The following RSPO2 variants were observed in gnomAD, a reference collection of about 807,000 sequenced individuals.
RSPO2 encodes the protein R-spondin-2.
RSPO2 carries 14 observed loss-of-function variants against 30.9 expected under a neutral mutation model. That is an observed-to-expected ratio of 0.45 (90% confidence interval 0.30 to 0.71). The LOEUF (loss-of-function observed/expected upper bound fraction) is 0.71, where lower values mean the gene tolerates loss of function less well. RSPO2 is among the 30% of genes least tolerant of loss of function. The pLI, the probability that RSPO2 is intolerant of heterozygous loss-of-function variation, is 0.08. For missense variants in RSPO2, 264 were observed against 301.9 expected, an observed-to-expected ratio of 0.87 and a Z score of 0.93; for synonymous variants, 107 against 96.4, an observed-to-expected ratio of 1.11 and a Z score of -0.64.
At chr8:108,008,813 T>C (rs1045803378) in intron 2 of RSPO2, among the ~76,000 whole-genome samples, 2 of 147,648 alleles carry the variant, frequency 1.4e-5, no homozygotes, top group Admixed American at 1.3e-4. Context: ...AAGAAAAAGG[T>C]AAATTTGACT....
chr8:108,075,908 T>C (rs1352551355), intron 2 of RSPO2, among the ~76,000 whole-genome samples: 5 of 152,090 alleles, frequency 3.3e-5, no homozygotes, highest in African/African-American at 1.2e-4. Context: ...AAGGTCTAGT[T>C]TGAGGAGTAC....
At position 108,019,350 on chromosome 8, in the gene RSPO2, A is replaced by G. The variant is rs760732071; in HGVS notation, c.95-30106T>C. 4.6e-5 allele frequency among the ~76,000 whole-genome samples: 7 copies of G among 152,042 alleles called. No individual in the cohort carries two copies. The Middle Eastern group carries it at 0.014, about 296-fold the overall frequency. Reference sequence around the variant, plus strand: ...GCCTGGGTGACAGACCAAGACTCCAACTCAAAAAAATAATAATAAATTAAG... The same window carrying G: ...GCCTGGGTGACAGACCAAGACTCCAGCTCAAAAAAATAATAATAAATTAAG... On this transcript the variant is annotated intron_variant, in intron 2 of 5. Coordinates refer to ENST00000276659, the MANE Select transcript of RSPO2 (RefSeq NM_178565.5).
At chr8:108,067,974 C>T (rs1470243469) in intron 2 of RSPO2, among the ~76,000 whole-genome samples, 13 of 151,924 alleles carry the variant, frequency 8.6e-5, no homozygotes, top group Non-Finnish European at 1.8e-4. Context: ...GAGGCTGAGG[C>T]GGGAGAATCA....
chr8:108,041,203 C>A (rs895896463), intron 2 of RSPO2, among the ~76,000 whole-genome samples: 406 of 100,054 alleles, frequency 4.1e-3, no homozygotes, highest in East Asian at 0.011. Context: ...CAAAAAGTGG[C>A]AAAAAAAAAA....
At chr8:108,079,867 C>T (rs1813136423) in intron 2 of RSPO2, among the ~76,000 whole-genome samples, 1 of 152,128 alleles carries the variant, frequency 6.6e-6, no homozygotes, top group Non-Finnish European at 1.5e-5. Context: ...TTAACTGACA[C>T]TATCCAAAAC....
At chr8:108,055,971 T>C (rs769505648) in intron 2 of RSPO2, among the ~76,000 whole-genome samples, 2 of 152,196 alleles carry the variant, frequency 1.3e-5, no homozygotes, top group Non-Finnish European at 2.9e-5. Context: ...CCATCACTTA[T>C]TAGCTCTGAA....
Position 107,900,988 on chromosome 8 carries a change from G to T in RSPO2, c.*87C>A. On this transcript the variant is annotated 3_prime_UTR_variant, in exon 6 of 6. Coordinates refer to ENST00000276659, the MANE Select transcript of RSPO2 (RefSeq NM_178565.5). ...AGATACTGGGCAGAGCAGCACAAAG[G>T]CTGCACACCAGTGTGCAGGAGTGGA... 2.2e-6 allele frequency: 3 copies of T among 1,353,642 alleles called. No individual in the cohort carries two copies. The highest frequency in any genetic ancestry group is 2.0e-6 in the Non-Finnish European group (2 of 983,030). The allele number at this position is 1,353,642 out of a possible 1,614,324, so 83.9% of individuals were successfully genotyped here.
intron 5 of RSPO2, among the ~76,000 whole-genome samples, chr8:107,911,925 C>G (rs771164347): frequency 3.3e-5 from 5 of 152,074 alleles, no homozygotes; most frequent in Admixed American, 6.6e-5. Flanking sequence ...CCTTCCTGCT[C>G]AATCCCACAC....
intron 2 of RSPO2, among the ~76,000 whole-genome samples, chr8:108,074,312 T>G (rs1812941769): frequency 6.6e-6 from 1 of 152,130 alleles, no homozygotes; most frequent in African/African-American, 2.4e-5. Context: ...GAGTAAAAAA[T>G]AAGAGATATT....
intron 5 of RSPO2, among the ~76,000 whole-genome samples, chr8:107,951,460 C>T (rs979832746): frequency 2.6e-5 from 4 of 152,170 alleles, no homozygotes; most frequent in Admixed American, 6.5e-5. Flanking sequence ...ATATCTACCA[C>T]TGACACCATG....
intron 5 of RSPO2, among the ~76,000 whole-genome samples, chr8:107,955,660 TTA>T (rs1324752428): frequency 1.3e-5 from 2 of 152,318 alleles, no homozygotes; most frequent in African/African-American, 2.4e-5. Flanking sequence ...TTAAAGCCAT[TTA>T]TGTTTTCATA....
chr8:108,005,572 C>A (rs1006044805), intron 2 of RSPO2, among the ~76,000 whole-genome samples: 1 of 152,020 alleles, frequency 6.6e-6, no homozygotes, highest in Non-Finnish European at 1.5e-5. Context: ...GAAAGGTACT[C>A]GTGAATGTTA....
intron 2 of RSPO2, among the ~76,000 whole-genome samples, chr8:108,045,702 C>A (rs1811890213): frequency 6.6e-6 from 1 of 152,050 alleles, no homozygotes; most frequent in South Asian, 2.1e-4. Flanking sequence ...GTAATGTTCA[C>A]CTTTTCTGGA....
At position 108,011,134 on chromosome 8, in the gene RSPO2, G is replaced by GGA. The variant is rs775427005; in HGVS notation, c.95-21891_95-21890insTC. Among the ~76,000 whole-genome samples the GGA allele has an allele frequency of 3.5e-4, 35 of 100,462 alleles. 1 individual carries two copies. Among genetic ancestry groups the GGA allele is most frequent in the Middle Eastern group, 5.0e-3 (1 of 202 alleles). 65.9% of individuals were successfully genotyped at this position (100,462 alleles called of 152,430 possible). A position where few individuals can be genotyped will look rare whatever the true frequency, so the allele number is the denominator to read the frequency against. ...GGTGACATAGTGAGACTCCGTCCCA[G>GGA]AAAAAAAAAAAAAAAAAGAAAGAAA... On this transcript the variant is annotated intron_variant, in intron 2 of 5. Transcript: ENST00000276659.
At chr8:107,976,751 C>G (rs1369274328) in intron 3 of RSPO2, among the ~76,000 whole-genome samples, 3 of 152,244 alleles carry the variant, frequency 2.0e-5, no homozygotes, top group Admixed American at 1.3e-4. Flanking sequence ...TCTGGCTGCA[C>G]AGTCCACCAT....
At chr8:107,995,754 G>T (rs1444900407) in intron 2 of RSPO2, among the ~76,000 whole-genome samples, 1 of 151,888 alleles carries the variant, frequency 6.6e-6, no homozygotes, top group Non-Finnish European at 1.5e-5. Context: ...CCTCACCTTT[G>T]TCATTTCCAT....
At chr8:108,008,738 G>C (rs966617246) in intron 2 of RSPO2, among the ~76,000 whole-genome samples, 1 of 149,940 alleles carries the variant, frequency 6.7e-6, no homozygotes, top group Non-Finnish European at 1.5e-5. Flanking sequence ...TATGTTCACA[G>C]GGTAATTAAA....
intron 2 of RSPO2, among the ~76,000 whole-genome samples, chr8:108,030,524 T>C (rs187396041): frequency 6.6e-6 from 1 of 152,358 alleles, no homozygotes; most frequent in East Asian, 1.9e-4. Flanking sequence ...ATGTGGTGAC[T>C]GCATGTGATG....
At chr8:107,997,022 A>G (rs564461529) in intron 2 of RSPO2, 15 of 398,120 alleles carry the variant, frequency 3.8e-5, no homozygotes, top group Admixed American at 1.2e-4. Context: ...ACTTTCTCCA[A>G]TCTTCAATCA....
Sources: gnomAD v4.1 joint callset for allele counts (sites outside exome capture counted in the v4.1 genomes callset) on GRCh38, gnomAD v4.1.1 for gene constraint, MANE v1.5 for transcripts, NCBI Gene and HGNC (gene_info 2026-07-23, HGNC 2026-07-21) for gene names.